GLRA2: variants seen among roughly 807,000 people sequenced by gnomAD.
GLRA2 encodes the protein glycine receptor subunit alpha-2.
A neutral mutation model predicts 31.6 loss-of-function variants in GLRA2; 11 were observed. That is an observed-to-expected ratio of 0.35 (90% confidence interval 0.22 to 0.58). The LOEUF (loss-of-function observed/expected upper bound fraction) is 0.58, where lower values mean the gene tolerates loss of function less well. Ranked by LOEUF, GLRA2 falls within the 20% of genes least tolerant of loss-of-function variation. The pLI is 0.84. For missense variants in GLRA2, 212 were observed against 351.8 expected (o/e 0.60, Z 3.18); for synonymous variants, 132 against 134.0 (o/e 0.99, Z 0.10).
At chrX:14,606,178 C>T (rs1400739711) in intron 5 of GLRA2, among the ~76,000 whole-genome samples, 1 of 105,506 alleles carries the variant, frequency 9.5e-6, no homozygotes, top group Non-Finnish European at 1.9e-5. Context: ...AAAAAACATG[C>T]TGAGGATTTT....
chrX:14,717,930 T>G (rs1054897020), intron 8 of GLRA2, among the ~76,000 whole-genome samples: 6 of 111,079 alleles, frequency 5.4e-5, no homozygotes, highest in Non-Finnish European at 1.1e-4. Context: ...AGAGGAGAGA[T>G]AGGCTGATGA....
At chrX:14,452,358 CCTTT>C in the GLRA2 span, among the ~76,000 whole-genome samples, 1 of 112,311 alleles carries the variant, frequency 8.9e-6, no homozygotes, top group East Asian at 2.8e-4. Flanking sequence ...TTAAAATGAC[CCTTT>C]CTTTGATTCT....
At chrX:14,705,692 A>G (rs931121125) in intron 8 of GLRA2, among the ~76,000 whole-genome samples, 3 of 112,246 alleles carry the variant, frequency 2.7e-5, no homozygotes, top group Non-Finnish European at 5.6e-5. Flanking sequence ...CCTCTTTTGT[A>G]AGTGAACTCT....
At chrX:14,682,617 T>C (rs1276478852) in intron 7 of GLRA2, among the ~76,000 whole-genome samples, 2 of 110,533 alleles carry the variant, frequency 1.8e-5, no homozygotes, top group East Asian at 2.9e-4. Flanking sequence ...TTGTTACATA[T>C]GTATACATGT....
At chrX:14,649,128 C>T (rs1014056400) in intron 7 of GLRA2, among the ~76,000 whole-genome samples, 1 of 110,146 alleles carries the variant, frequency 9.1e-6, no homozygotes, top group African/African-American at 3.3e-5. Context: ...GCAGGAGAAT[C>T]GCTTGAACCC....
intron 2 of GLRA2, among the ~76,000 whole-genome samples, chrX:14,572,538 G>T (rs944681290): frequency 1.8e-5 from 2 of 112,092 alleles, no homozygotes; most frequent in Admixed American, 1.9e-4. Flanking sequence ...AGCCAAGAAA[G>T]AGAAAGTATC....
the GLRA2 span, among the ~76,000 whole-genome samples, chrX:14,523,354 T>C: frequency 8.9e-6 from 1 of 112,093 alleles, no homozygotes; most frequent in South Asian, 3.7e-4. Context: ...TTGTGACTGC[T>C]TTGATCTCCA....
At chrX:14,673,576 C>T (rs888442544) in intron 7 of GLRA2, among the ~76,000 whole-genome samples, 2 of 111,687 alleles carry the variant, frequency 1.8e-5, no homozygotes, top group Non-Finnish European at 3.8e-5. Context: ...AATCATAAAC[C>T]AACAAGCTCA....
At chrX:14,638,509 C>T (rs187516314) in intron 7 of GLRA2, among the ~76,000 whole-genome samples, 42 of 110,516 alleles carry the variant, frequency 3.8e-4, no homozygotes, top group Admixed American at 1.1e-3. Flanking sequence ...TTATTTTTAT[C>T]CTTCCATAAA....
intron 8 of GLRA2, among the ~76,000 whole-genome samples, chrX:14,706,982 A>G (rs1277242642): frequency 9.0e-6 from 1 of 111,164 alleles, no homozygotes; most frequent in Non-Finnish European, 1.9e-5. Flanking sequence ...AGAATCATTG[A>G]ATGTTCTTTC....
intron 4 of GLRA2, among the ~76,000 whole-genome samples, chrX:14,602,604 C>T (rs993465740): frequency 2.7e-5 from 3 of 110,452 alleles, no homozygotes; most frequent in African/African-American, 9.9e-5. Context: ...CTTGAGTCCC[C>T]GAAGTCCACT....
chrX:14,699,121 A>G (rs765379227), intron 8 of GLRA2, among the ~76,000 whole-genome samples: 62 of 112,322 alleles, frequency 5.5e-4, no homozygotes, highest in African/African-American at 1.9e-3. Flanking sequence ...GTCTATTAGA[A>G]GCTGATGCCC....
the GLRA2 span, among the ~76,000 whole-genome samples, chrX:14,523,026 A>G: frequency 8.9e-6 from 1 of 112,236 alleles, no homozygotes; most frequent in African/African-American, 3.2e-5. Context: ...CTCTCTAGCT[A>G]TGAAAGTCCT....
intron 3 of GLRA2, among the ~76,000 whole-genome samples, chrX:14,576,482 G>C (rs1405871129): frequency 4.5e-5 from 5 of 111,567 alleles, no homozygotes; most frequent in African/African-American, 1.6e-4. Context: ...CCAAATCACT[G>C]TCACCAGCTT....
intron 8 of GLRA2, among the ~76,000 whole-genome samples, chrX:14,707,809 GTCTT>G (rs1352543982): frequency 9.1e-6 from 1 of 110,374 alleles, no homozygotes; most frequent in Non-Finnish European, 1.9e-5. Flanking sequence ...TTAGATGACA[GTCTT>G]TATTTTTTTT....
At chrX:14,543,152 T>G (rs1418607919) in intron 2 of GLRA2, among the ~76,000 whole-genome samples, 1 of 102,379 alleles carries the variant, frequency 9.8e-6, no homozygotes, top group African/African-American at 3.6e-5. Context: ...TCGAGACTCA[T>G]GAGGCCTGAT....
At chrX:14,715,541 T>C (rs1383062563) in intron 8 of GLRA2, among the ~76,000 whole-genome samples, 1 of 111,507 alleles carries the variant, frequency 9.0e-6, no homozygotes, top group Non-Finnish European at 1.9e-5. Context: ...GAATTTAATA[T>C]GATGCAGTAG....
chrX:14,459,885 C>A, the GLRA2 span, among the ~76,000 whole-genome samples: 1 of 112,052 alleles, frequency 8.9e-6, no homozygotes, highest in South Asian at 3.7e-4. Flanking sequence ...CCTGACTGCC[C>A]TAGCAAGAAC....
rs2091977460 is a variant in GLRA2, at chrX:14,730,339, G to A, written c.1213G>A (p.Asp405Asn). 2 of 1,209,006 alleles carry A rather than the reference G, an allele frequency of 1.7e-6. No homozygotes were observed. The highest frequency in any genetic ancestry group is 3.5e-5 in the African/African-American group (2 of 56,901). Reference protein sequence around the residue: ...NPLPQPPKDGDAIKKKFVDRA... With the variant: ...NPLPQPPKDGNAIKKKFVDRA... ...ACTCCCACAACCGCCAAAAGATGGA[G>A]ATGCTATCAAGAAGAAGTTTGTGGA... The change falls in exon 9 of 9, where the codon GAT (aspartate) becomes AAT (asparagine). Residue 405 changes from aspartate to asparagine, a missense_variant. Asp to Asn is a conservative substitution (Grantham distance 23, BLOSUM62 1). Around this residue, in one of 5 missense-constraint regions of GLRA2, gnomAD observed 42 missense variants for 52.0 expected, o/e 0.81. Transcript: ENST00000218075.
Sources: allele counts gnomAD v4.1 joint callset (sites outside exome capture counted in the v4.1 genomes callset), GRCh38; gene constraint gnomAD v4.1.1; regional missense constraint gnomAD v4.1.1; transcripts MANE v1.5; gene names NCBI Gene and HGNC (gene_info 2026-07-23, HGNC 2026-07-21).